FAM171A1: variants seen among roughly 807,000 people sequenced by gnomAD.
The protein encoded by FAM171A1 is protein FAM171A1.
FAM171A1 carries 23 observed loss-of-function variants against 74.9 expected under a neutral mutation model. That is an observed-to-expected ratio of 0.31 (90% CI 0.22 to 0.44). The LOEUF (loss-of-function observed/expected upper bound fraction) is 0.44, where lower values mean the gene tolerates loss of function less well. Among genes scored for constraint, FAM171A1 ranks in the 20% least tolerant of loss-of-function variants. The pLI, the probability that FAM171A1 is intolerant of heterozygous loss-of-function variation, is 1.00. For missense variants in FAM171A1, 1,162 were observed against 1,159.2 expected (o/e 1.00, Z -0.03); for synonymous variants, 527 against 505.7 (o/e 1.04, Z -0.57).
upstream of FAM171A1, among the ~76,000 whole-genome samples, chr10:15,373,168 C>T (rs138439806): frequency 1.2e-4 from 19 of 152,280 alleles, 1 homozygote; most frequent in African/African-American, 4.3e-4. Context: ...TTATAGTCAC[C>T]CTTAGGACCA....
Position 15,351,855 on chromosome 10 carries a change from C to T in FAM171A1, c.97+19101G>A, listed in dbSNP as rs1300372182. 6.6e-5 allele frequency among the ~76,000 whole-genome samples: 10 copies of T among 152,058 alleles called. No homozygotes were observed. In the East Asian group the frequency reaches 1.4e-3, roughly 21 times the overall value. On this transcript the variant is annotated intron_variant, in intron 1 of 7. Transcript: ENST00000378116. Reference sequence around the variant, plus strand: ...ATCCCTTGAGCCTGGGAGTTCAAGACCAGCCTGAACAACACGGCAAAACTT... The same window carrying T: ...ATCCCTTGAGCCTGGGAGTTCAAGATCAGCCTGAACAACACGGCAAAACTT...
chr10:15,313,136 G>GT (rs1835383675), intron 1 of FAM171A1, among the ~76,000 whole-genome samples: 2 of 152,284 alleles, frequency 1.3e-5, no homozygotes, highest in Admixed American at 6.5e-5. Context: ...CCAGAGACAC[G>GT]TAGAGTCCCA....
rs184919515 is a variant in FAM171A1 at position 15,228,554 on chromosome 10, G to C, written c.755-7494C>G. Among the ~76,000 whole-genome samples the C allele has an allele frequency of 6.6e-5, 10 of 152,128 alleles. No homozygotes were observed. In the East Asian group the frequency reaches 1.7e-3, roughly 26 times the overall value. ...AGATGGGGTTTCACCATGCTTCTCA[G>C]GCTGGTCGCAAACTCCTGGGCTCAA... On this transcript the variant is annotated intron_variant, in intron 5 of 7. Transcript: ENST00000378116.
intron 4 of FAM171A1, among the ~76,000 whole-genome samples, chr10:15,251,242 A>C (rs551181641): frequency 1.3e-5 from 2 of 152,292 alleles, no homozygotes; most frequent in South Asian, 4.1e-4. Context: ...ATGGGATTTC[A>C]TGTCCCTTTA....
chr10:15,274,718 T>C lies in FAM171A1; in HGVS notation c.418+1137A>G, dbSNP rs573350175. 5.9e-5 allele frequency among the ~76,000 whole-genome samples: 9 copies of C among 152,202 alleles called. No individual in the cohort carries two copies. In the South Asian group the frequency reaches 1.7e-3, roughly 28 times the overall value. On this transcript the variant is annotated intron_variant, in intron 3 of 7. Transcript: ENST00000378116. ...GACCAATGGAACAGAACAGAGCCCTTAGAAATAATACCACACATCTACAAC... is the reference window on the plus strand; with the variant it reads ...GACCAATGGAACAGAACAGAGCCCTCAGAAATAATACCACACATCTACAAC...
At chr10:15,262,357 A>C (rs1441628394) in intron 3 of FAM171A1, among the ~76,000 whole-genome samples, 1 of 152,214 alleles carries the variant, frequency 6.6e-6, no homozygotes, top group African/African-American at 2.4e-5. Context: ...CCTCACAGAA[A>C]AGGCAGCTGG....
intron 1 of FAM171A1, among the ~76,000 whole-genome samples, chr10:15,370,246 T>TC (rs1229356390): frequency 6.7e-6 from 1 of 150,032 alleles, no homozygotes; most frequent in African/African-American, 2.4e-5. Flanking sequence ...TTTTCTTTTT[T>TC]TTTTTTTTTT....
chr10:15,235,321 A>AC (rs1834272826), intron 5 of FAM171A1, among the ~76,000 whole-genome samples: 1 of 151,444 alleles, frequency 6.6e-6, no homozygotes, highest in African/African-American at 2.4e-5. Flanking sequence ...AAAAAAAAAA[A>AC]AAAAAAAACC....
intron 5 of FAM171A1, among the ~76,000 whole-genome samples, chr10:15,230,260 T>C (rs1323719272): frequency 3.9e-5 from 6 of 152,242 alleles, no homozygotes; most frequent in African/African-American, 1.4e-4. Flanking sequence ...AGTCTACGGC[T>C]TTGAGTAGCT....
chr10:15,257,220 C>T (rs187530602), intron 3 of FAM171A1, among the ~76,000 whole-genome samples: 12 of 152,260 alleles, frequency 7.9e-5, no homozygotes, highest in Admixed American at 7.8e-4. Context: ...AGGAAAAGTG[C>T]ACCCCTCCAG....
At position 15,370,959 on chromosome 10, in the gene FAM171A1, G is replaced by C; in HGVS notation, c.94C>G (p.Gln32Glu). Residue 32 changes from glutamine to glutamate, a missense_variant, in exon 1 of 8, where the codon CAA (glutamine) becomes GAA (glutamate). Gln to Glu is a conservative substitution (Grantham distance 29). Coordinates refer to ENST00000378116, the MANE Select transcript of FAM171A1 (RefSeq NM_001010924.2). ...KTLREPGAGA[Q>E]EVTLKVHISD... ...GGCCCCGCCGCCGCCCACTGACCTTGGGCTCCGGCGCCGGGCTCCCGCAGC... is the reference window on the plus strand; with the variant it reads ...GGCCCCGCCGCCGCCCACTGACCTTCGGCTCCGGCGCCGGGCTCCCGCAGC... 1.7e-6 allele frequency: 2 copies of C among 1,171,030 alleles called. No individual in the cohort carries two copies. The highest frequency in any genetic ancestry group is 2.2e-6 in the Non-Finnish European group (2 of 927,814). 72.5% of individuals were successfully genotyped at this position (1,171,030 alleles called of 1,614,324 possible).
At chr10:15,373,997 T>A (rs1012317153), upstream of FAM171A1, among the ~76,000 whole-genome samples, 57 of 152,080 alleles carry the variant, frequency 3.7e-4, no homozygotes, top group Non-Finnish European at 1.2e-4. Flanking sequence ...TAGTGATAAG[T>A]GGAAAAGAGG....
At chr10:15,333,264 C>T (rs1244986540) in intron 1 of FAM171A1, among the ~76,000 whole-genome samples, 2 of 152,150 alleles carry the variant, frequency 1.3e-5, no homozygotes, top group Non-Finnish European at 2.9e-5. Context: ...GAGGCCGAGG[C>T]GGGTGGATCA....
intron 1 of FAM171A1, among the ~76,000 whole-genome samples, chr10:15,319,840 C>T (rs576168950): frequency 2.0e-5 from 3 of 152,170 alleles, no homozygotes; most frequent in Non-Finnish European, 4.4e-5. Context: ...AGGGACAGAA[C>T]CCATATAAAA....
intron 1 of FAM171A1, among the ~76,000 whole-genome samples, chr10:15,347,556 G>A (rs1402229244): frequency 2.6e-5 from 4 of 151,738 alleles, no homozygotes; most frequent in African/African-American, 9.7e-5. Flanking sequence ...TGCAGAATTC[G>A]GCCGGGTGCA....
At chr10:15,348,333 T>A (rs1340239863) in intron 1 of FAM171A1, among the ~76,000 whole-genome samples, 1 of 151,998 alleles carries the variant, frequency 6.6e-6, no homozygotes, top group Non-Finnish European at 1.5e-5. Context: ...AGACAGGGTG[T>A]CACCATGCTG....
chr10:15,324,280 T>C (rs1253881563), intron 1 of FAM171A1, among the ~76,000 whole-genome samples: 1 of 152,050 alleles, frequency 6.6e-6, no homozygotes, highest in Non-Finnish European at 1.5e-5. Flanking sequence ...GACGGGGTGA[T>C]TCAAGCAGAG....
At chr10:15,349,188 C>T (rs1835851307) in intron 1 of FAM171A1, among the ~76,000 whole-genome samples, 1 of 152,170 alleles carries the variant, frequency 6.6e-6, no homozygotes, top group African/African-American at 2.4e-5. Context: ...ATTAGGACTA[C>T]ACAGAAAGGC....
intron 5 of FAM171A1, among the ~76,000 whole-genome samples, chr10:15,233,167 T>C (rs1349061813): frequency 1.3e-5 from 2 of 151,926 alleles, no homozygotes; most frequent in African/African-American, 2.4e-5. Context: ...TGGTGGCCGG[T>C]GCCTGTAGTC....
Sources: allele counts gnomAD v4.1 joint callset (sites outside exome capture counted in the v4.1 genomes callset), GRCh38; gene constraint gnomAD v4.1.1; transcripts MANE v1.5; gene names NCBI Gene and HGNC (gene_info 2026-07-23, HGNC 2026-07-21).